The following ESRRB variants were observed in gnomAD, a reference collection of about 807,000 sequenced individuals.
The protein encoded by ESRRB is estrogen related receptor beta, also known as steroid hormone receptor ERR2.
Under a neutral mutation model 46.0 loss-of-function variants are expected in ESRRB, and 16 were observed. The observed-to-expected ratio is 0.35, with a 90% CI of 0.24 to 0.53. ESRRB has a LOEUF of 0.53. ESRRB is among the 20% of genes least tolerant of loss of function. The pLI, the probability that ESRRB is intolerant of heterozygous loss-of-function variation, is 0.93. For synonymous variants in ESRRB, 246 were observed against 259.6 expected (o/e 0.95, Z 0.50); for missense variants, 488 against 607.4 (o/e 0.80, Z 2.07).
chr14:76,408,402 G>A (rs1260030373), intron 1 of ESRRB, among the ~76,000 whole-genome samples: 1 of 151,922 alleles, frequency 6.6e-6, no homozygotes, highest in East Asian at 1.9e-4. Context: ...AACATGGCAA[G>A]ACTCTGTCTC....
At chr14:76,431,047 A>G (rs1887420393) in intron 1 of ESRRB, among the ~76,000 whole-genome samples, 1 of 152,178 alleles carries the variant, frequency 6.6e-6, no homozygotes, top group Non-Finnish European at 1.5e-5. Flanking sequence ...CTGTAATCCC[A>G]CATTTTGGAA....
At chr14:76,469,926 G>GTTTTTT (rs1356927268) in intron 3 of ESRRB, among the ~76,000 whole-genome samples, 58 of 67,562 alleles carry the variant, frequency 8.6e-4, no homozygotes, top group Middle Eastern at 8.5e-3. Context: ...TGTGTTTTTT[G>GTTTTTT]TTGTTTTTTT....
At chr14:76,427,622 A>G (rs1428108059) in intron 1 of ESRRB, among the ~76,000 whole-genome samples, 1 of 152,210 alleles carries the variant, frequency 6.6e-6, no homozygotes, top group Non-Finnish European at 1.5e-5. Context: ...TTGCTTTAGC[A>G]TTAAACATTT....
At chr14:76,395,661 T>G (rs1335197063) in intron 1 of ESRRB, among the ~76,000 whole-genome samples, 1 of 152,068 alleles carries the variant, frequency 6.6e-6, no homozygotes, top group Non-Finnish European at 1.5e-5. Context: ...GCAAAATGCT[T>G]TTATGCAGGG....
chr14:76,382,153 G>T (rs1376130625), intron 1 of ESRRB, among the ~76,000 whole-genome samples: 7 of 152,216 alleles, frequency 4.6e-5, no homozygotes, highest in African/African-American at 1.7e-4. Context: ...GGAAACCTGT[G>T]TGTGCACATG....
intron 3 of ESRRB, among the ~76,000 whole-genome samples, chr14:76,464,896 G>T (rs189814894): frequency 6.6e-6 from 1 of 152,016 alleles, no homozygotes. Flanking sequence ...CTTTCTCTCC[G>T]TGTGGTGCTG....
intron 2 of ESRRB, among the ~76,000 whole-genome samples, chr14:76,444,255 A>G (rs1184892401): frequency 6.6e-6 from 1 of 152,056 alleles, no homozygotes; most frequent in African/African-American, 2.4e-5. Flanking sequence ...CTGGTCTCGA[A>G]TTCCTGACCT....
chr14:76,360,251 G>A (rs1264533416), intron 1 of ESRRB, among the ~76,000 whole-genome samples: 1 of 152,102 alleles, frequency 6.6e-6, no homozygotes, highest in African/African-American at 2.4e-5. Context: ...CCCATCCTGT[G>A]TGGGCACATC....
At position 76,395,575 on chromosome 14, in the gene ESRRB, G is replaced by A. The variant is rs116362539; in HGVS notation, c.50+19124G>A. 3.6e-3 allele frequency among the ~76,000 whole-genome samples: 553 copies of A among 152,116 alleles called. 2 individuals carry two copies. The highest frequency in any genetic ancestry group is 0.013 in the African/African-American group (519 of 41,498). ...CAAGTCACCTAACCTCCCTGTGCAC[G>A]CTGGCCTCATCTGAAAAGTGGGAAT... On this transcript the variant is annotated intron_variant, in intron 1 of 6. Transcript: ENST00000644823.
chr14:76,456,875 C>T (rs1888636687), intron 2 of ESRRB, among the ~76,000 whole-genome samples: 1 of 152,074 alleles, frequency 6.6e-6, no homozygotes. Flanking sequence ...AGGGATGGTC[C>T]CTGTCTCCAG....
intron 1 of ESRRB, among the ~76,000 whole-genome samples, chr14:76,411,572 T>C (rs745608319): frequency 6.6e-5 from 10 of 152,266 alleles, no homozygotes; most frequent in Admixed American, 6.5e-5. Flanking sequence ...TTTATCTGGA[T>C]CTTGAGTTCT....
chr14:76,448,385 G>A (rs1196700863), intron 2 of ESRRB, among the ~76,000 whole-genome samples: 1 of 148,780 alleles, frequency 6.7e-6, no homozygotes, highest in Non-Finnish European at 1.5e-5. Context: ...CTGGAGTGCA[G>A]TGACGCAATC....
Position 76,353,414 on chromosome 14 carries a change from C to T in ESRRB, c.2+42498C>T, listed in dbSNP as rs549118333. ...TATGTCTTGGGTTCGCCAGCCATTA[C>T]CATCCCCTAAGACTCGGGGATTACA... On this transcript the variant is annotated intron_variant, in intron 1 of 6. Coordinates refer to the ESRRB transcript ENST00000512784. 2.6e-5 allele frequency among the ~76,000 whole-genome samples: 4 copies of T among 152,334 alleles called. No homozygotes were observed. The South Asian group carries it at 6.2e-4, about 24-fold the overall frequency.
At chr14:76,495,792 G>A (rs1410649691) in intron 6 of ESRRB, among the ~76,000 whole-genome samples, 1 of 151,996 alleles carries the variant, frequency 6.6e-6, no homozygotes, top group Non-Finnish European at 1.5e-5. Flanking sequence ...TACAAAACAT[G>A]AGCCAAATTT....
chr14:76,441,499 A>AG (rs1887920261), intron 2 of ESRRB, among the ~76,000 whole-genome samples: 1 of 151,968 alleles, frequency 6.6e-6, no homozygotes, highest in Non-Finnish European at 1.5e-5. Context: ...TTTAATAGAG[A>AG]TGGAGTCTCA....
intron 1 of ESRRB, among the ~76,000 whole-genome samples, chr14:76,386,183 A>G (rs531383224): frequency 6.6e-6 from 1 of 152,154 alleles, no homozygotes; most frequent in Non-Finnish European, 1.5e-5. Flanking sequence ...TGGGATGGAG[A>G]GGATGAATAG....
At chr14:76,450,670 G>A (rs1888347565) in intron 2 of ESRRB, among the ~76,000 whole-genome samples, 1 of 152,182 alleles carries the variant, frequency 6.6e-6, no homozygotes, top group South Asian at 2.1e-4. Flanking sequence ...TGATTGATGG[G>A]TTATTCCACC....
intron 3 of ESRRB, among the ~76,000 whole-genome samples, chr14:76,473,363 G>A (rs1022193333): frequency 1.5e-4 from 23 of 152,236 alleles, no homozygotes; most frequent in African/African-American, 5.5e-4. Flanking sequence ...GAAGAGAAGG[G>A]TGTTGGTCAT....
chr14:76,339,832 A>G (rs1884171256), intron 1 of ESRRB, among the ~76,000 whole-genome samples: 1 of 152,162 alleles, frequency 6.6e-6, no homozygotes. Context: ...GTCACATCGC[A>G]CAAAAGGACA....
Sources: allele counts gnomAD v4.1 joint callset (sites outside exome capture counted in the v4.1 genomes callset), GRCh38; gene constraint gnomAD v4.1.1; transcripts MANE v1.5; gene names NCBI Gene and HGNC (gene_info 2026-07-23, HGNC 2026-07-21).